RASAL2: variants seen among roughly 807,000 people sequenced by gnomAD.
RASAL2 encodes RAS protein activator like 2.
Under a neutral mutation model 128.9 loss-of-function variants are expected in RASAL2, and 58 were observed. The ratio of observed to expected loss-of-function variants is 0.45; its 90% CI spans 0.36 to 0.56. The LOEUF (loss-of-function observed/expected upper bound fraction) is 0.56. Among genes scored for constraint, RASAL2 ranks in the 20% least tolerant of loss-of-function variants. RASAL2 has a pLI of 0.00. For missense variants in RASAL2, 1,360 were observed against 1,601.6 expected (o/e 0.85, Z 2.57); for synonymous variants, 561 against 580.8 (o/e 0.97, Z 0.49).
chr1:178,108,620 C>T (rs950157168), intron 1 of RASAL2, among the ~76,000 whole-genome samples: 3 of 152,166 alleles, frequency 2.0e-5, no homozygotes, highest in African/African-American at 7.2e-5. Flanking sequence ...CTAGACAGTT[C>T]CTCTCAAATC....
intron 1 of RASAL2, among the ~76,000 whole-genome samples, chr1:178,178,934 A>G (rs1366282608): frequency 6.6e-6 from 1 of 152,210 alleles, no homozygotes; most frequent in Non-Finnish European, 1.5e-5. Flanking sequence ...CTCTACTTTC[A>G]TATAGCCAGA....
At chr1:178,463,149 C>T (rs1485524401) in intron 14 of RASAL2, among the ~76,000 whole-genome samples, 1 of 152,008 alleles carries the variant, frequency 6.6e-6, no homozygotes. Context: ...GGAGAAAATG[C>T]CCTTCAATTA....
chr1:178,097,058 T>G (rs1486107539), intron 1 of RASAL2, among the ~76,000 whole-genome samples: 2 of 152,248 alleles, frequency 1.3e-5, no homozygotes, highest in Admixed American at 6.5e-5. Context: ...ACCTTCGTTG[T>G]CTTGGATCAC....
rs985495915 is a variant in RASAL2, at chr1:178,478,358, G to C, written c.*5119G>C. 1.3e-5 allele frequency: 2 copies of C among 152,162 alleles called. No homozygotes were observed. The highest frequency in any genetic ancestry group is 6.5e-5 in the Admixed American group (1 of 15,276). The allele number at this position is 152,162 out of a possible 1,614,324, so 9.4% of individuals were successfully genotyped here. On this transcript the variant is annotated 3_prime_UTR_variant, in exon 18 of 18. Transcript: ENST00000367649. ...AAGGTTAAATACTAATTGACTCAATGACCACCTTCAGGAAAGTTAAATAGT... is the reference window on the plus strand; with the variant it reads ...AAGGTTAAATACTAATTGACTCAATCACCACCTTCAGGAAAGTTAAATAGT...
At chr1:178,430,907 T>TAC (rs71297897) in intron 5 of RASAL2, among the ~76,000 whole-genome samples, 10,992 of 133,954 alleles carry the variant, frequency 0.082, 408 homozygotes, top group African/African-American at 0.11. Flanking sequence ...GGCAAAAAAG[T>TAC]ACACACACAC....
At chr1:178,319,795 G>A (rs1326659108) in intron 3 of RASAL2, among the ~76,000 whole-genome samples, 2 of 152,126 alleles carry the variant, frequency 1.3e-5, no homozygotes, top group Admixed American at 6.5e-5. Context: ...CTCTCAGCTC[G>A]TCAAAGTCAT....
intron 2 of RASAL2, among the ~76,000 whole-genome samples, chr1:178,298,610 T>C (rs1667620621): frequency 6.6e-6 from 1 of 152,206 alleles, no homozygotes; most frequent in South Asian, 2.1e-4. Context: ...GCTGGATCAA[T>C]TGATGCAATA....
At chr1:178,390,938 G>GAGACTC (rs2102608406) in intron 4 of RASAL2, among the ~76,000 whole-genome samples, 1 of 152,094 alleles carries the variant, frequency 6.6e-6, no homozygotes, top group Non-Finnish European at 1.5e-5. Context: ...AGAGAGTGAC[G>GAGACTC]AGACTCAGAA....
At chr1:178,321,349 G>A (rs1668767625) in intron 3 of RASAL2, among the ~76,000 whole-genome samples, 1 of 152,068 alleles carries the variant, frequency 6.6e-6, no homozygotes, top group Non-Finnish European at 1.5e-5. Context: ...GCCTCCCAAA[G>A]TGCTGCAATT....
rs1648844411 is a variant in RASAL2, at chr1:178,478,692, C to G, written c.*5453C>G. The G allele has an allele frequency of 6.6e-6, 1 of 152,150 alleles. No individual in the cohort carries two copies. Among genetic ancestry groups the G allele is most frequent in the Non-Finnish European group, 1.5e-5 (1 of 68,030 alleles). 9.4% of individuals were successfully genotyped at this position (152,150 alleles called of 1,614,324 possible). A position where few individuals can be genotyped will look rare whatever the true frequency, so the allele number is the denominator to read the frequency against. ...ATTTAGATTATTCCGTATGTGAGAT[C>G]CGTATCAGCATTTCATTACCTGGGT... On this transcript the variant is annotated 3_prime_UTR_variant, in exon 18 of 18. Transcript: ENST00000367649.
chr1:178,368,405 G>A lies in RASAL2; in HGVS notation c.458-21695G>A, dbSNP rs1333456483. Among the ~76,000 whole-genome samples the A allele has an allele frequency of 5.9e-5, 9 of 152,104 alleles. No individual in the cohort carries two copies. In the South Asian group the frequency reaches 1.9e-3, roughly 32 times the overall value. The stretch of plus-strand genomic sequence containing the variant: ...AGCCCAGTAAGTAGCACATGCATAT[G>A]TGTATATGCATATATACAGACATGC... On this transcript the variant is annotated intron_variant, in intron 3 of 17. Coordinates refer to ENST00000367649, the MANE Select transcript of RASAL2 (RefSeq NM_170692.4).
At chr1:178,226,130 G>C (rs1663776245) in intron 1 of RASAL2, among the ~76,000 whole-genome samples, 1 of 152,186 alleles carries the variant, frequency 6.6e-6, no homozygotes, top group Non-Finnish European at 1.5e-5. Flanking sequence ...CAGTAGCATA[G>C]TTATCATCTA....
chr1:178,402,360 C>T (rs540156604), intron 4 of RASAL2, among the ~76,000 whole-genome samples: 129 of 151,328 alleles, frequency 8.5e-4, no homozygotes, highest in Non-Finnish European at 5.0e-4. Context: ...GCTGAGATAA[C>T]GCCACTGCAC....
intron 1 of RASAL2, among the ~76,000 whole-genome samples, chr1:178,178,895 A>G (rs1395205075): frequency 6.6e-6 from 1 of 152,224 alleles, no homozygotes; most frequent in Non-Finnish European, 1.5e-5. Flanking sequence ...ATACTTATAC[A>G]TGAATGACTG....
In RASAL2 at chr1:178,464,333, G is replaced by T. The variant is rs1647419573; in HGVS notation, c.3308G>T (p.Trp1103Leu). ...TCCCCAGTAGAGAGGACAGCAGCCT[G>T]GGTTCTGAACAATGGGCAGTATGAA... ...TMSPVERTAA[W>L]VLNNGQYEED... Residue 1103 changes from tryptophan to leucine, a missense_variant, in exon 15 of 18, where the codon TGG becomes TTG. This residue lies in a region of RASAL2 where 741 missense variants were observed against 868.6 expected (regional missense o/e 0.85). Transcript: ENST00000367649. 6.2e-7 allele frequency: 1 copy of T among 1,613,638 alleles called. No homozygotes were observed. Among genetic ancestry groups the T allele is most frequent in the African/African-American group, 1.3e-5 (1 of 74,872 alleles).
rs531990219 is a variant in RASAL2, at chr1:178,298,657, C to G, written c.331-1335C>G. ...TAATCATTTGAAGAAATAAATCATTCATTCCCCATCTCTTAAAAGGAGATA... is the reference window on the plus strand; with the variant it reads ...TAATCATTTGAAGAAATAAATCATTGATTCCCCATCTCTTAAAAGGAGATA... On this transcript the variant is annotated intron_variant, in intron 2 of 17. Transcript: ENST00000367649. Among the ~76,000 whole-genome samples the G allele has an allele frequency of 2.6e-5, 4 of 152,318 alleles. No individual in the cohort carries two copies. In the South Asian group the frequency reaches 8.3e-4, roughly 32 times the overall value.
intron 1 of RASAL2, among the ~76,000 whole-genome samples, chr1:178,238,337 T>C (rs973298487): frequency 6.6e-6 from 1 of 152,168 alleles, no homozygotes; most frequent in Non-Finnish European, 1.5e-5. Context: ...TTGGGTTGTT[T>C]CCACATTTGT....
Position 178,473,300 on chromosome 1 carries a change from T to A in RASAL2, c.*61T>A. ...GACCCACTCTCCTATCTCCAGACCTTTACCTAGCCCCTCCAGGTTTACAGA... is the reference window on the plus strand; with the variant it reads ...GACCCACTCTCCTATCTCCAGACCTATACCTAGCCCCTCCAGGTTTACAGA... On this transcript the variant is annotated 3_prime_UTR_variant, in exon 18 of 18. Coordinates refer to ENST00000367649, the MANE Select transcript of RASAL2 (RefSeq NM_170692.4). 6.3e-7 allele frequency: 1 copy of A among 1,582,710 alleles called. No homozygotes were observed. The highest frequency in any genetic ancestry group is 8.7e-7 in the Non-Finnish European group (1 of 1,153,760).
intron 1 of RASAL2, among the ~76,000 whole-genome samples, chr1:178,228,895 AT>A (rs1663889174): frequency 6.6e-6 from 1 of 152,198 alleles, no homozygotes; most frequent in African/African-American, 2.4e-5. Flanking sequence ...AAGAGGGAAC[AT>A]TACAGTATTA....
Sources: gnomAD v4.1 joint callset for allele counts (sites outside exome capture counted in the v4.1 genomes callset) on GRCh38, gnomAD v4.1.1 for gene constraint, gnomAD v4.1.1 regional missense constraint, MANE v1.5 for transcripts, NCBI Gene and HGNC (gene_info 2026-07-23, HGNC 2026-07-21) for gene names.